DCLK1: variants seen among roughly 807,000 people sequenced by gnomAD.
The protein encoded by DCLK1 is doublecortin like kinase 1.
In DCLK1, 16 loss-of-function variants were observed where a neutral mutation model predicts 86.2. That is an observed-to-expected ratio of 0.19 (90% CI 0.13 to 0.28). The LOEUF (loss-of-function observed/expected upper bound fraction) is 0.28. DCLK1 is among the 10% of genes least tolerant of loss of function. The pLI, the probability that DCLK1 is intolerant of heterozygous loss-of-function variation, is 1.00. For missense variants in DCLK1, 590 were observed against 940.2 expected (o/e 0.63, Z 4.87); for synonymous variants, 369 against 370.5 (o/e 1.00, Z 0.05).
rs1472537569 is a variant in DCLK1 at position 35,961,416 on chromosome 13, T to C, written c.724-13959A>G. Among the ~76,000 whole-genome samples, 3 of 152,222 alleles carry C rather than the reference T, an allele frequency of 2.0e-5. No individual in the cohort carries two copies. The East Asian group carries it at 5.8e-4, about 29-fold the overall frequency. On this transcript the variant is annotated intron_variant, in intron 3 of 16. Transcript: ENST00000360631. ...TCCTTTCCTTGTACTGGTTTTACAT[T>C]GAAAATTATTCTGGTCTAACAGCTG...
chr13:35,808,462 A>G lies in DCLK1; in HGVS notation c.1767-142T>C, dbSNP rs895513123. 16 of 769,524 alleles carry G rather than the reference A, an allele frequency of 2.1e-5. No homozygotes were observed. In the African/African-American group the frequency reaches 2.4e-4, roughly 12 times the overall value. 47.7% of individuals were successfully genotyped at this position (769,524 alleles called of 1,614,324 possible). ...TATTTTTAATCGATTGAAAAATGTC[A>G]ATGTGGATCTGTTTTGGTAAATTAA... On this transcript the variant is annotated intron_variant, in intron 13 of 16. Transcript: ENST00000360631.
At chr13:36,024,371 C>T (rs1048112067) in intron 3 of DCLK1, among the ~76,000 whole-genome samples, 14 of 152,138 alleles carry the variant, frequency 9.2e-5, no homozygotes, top group African/African-American at 3.1e-4. Flanking sequence ...TTAGAATAAA[C>T]GAGTTCCTTT....
At chr13:35,909,057 A>T (rs1054938736) in intron 4 of DCLK1, among the ~76,000 whole-genome samples, 4 of 152,274 alleles carry the variant, frequency 2.6e-5, no homozygotes, top group Admixed American at 2.0e-4. Flanking sequence ...CTCAGGAAGC[A>T]GAGACAGGCT....
intron 3 of DCLK1, among the ~76,000 whole-genome samples, chr13:36,010,361 T>G (rs1161153498): frequency 2.0e-4 from 21 of 106,366 alleles, no homozygotes; most frequent in African/African-American, 6.9e-4. Flanking sequence ...TGGCTGTGGG[T>G]TTGTCATAGA....
intron 5 of DCLK1, among the ~76,000 whole-genome samples, chr13:35,858,213 G>A (rs150858805): frequency 8.1e-4 from 123 of 152,262 alleles, no homozygotes; most frequent in African/African-American, 2.8e-3. Context: ...ATCTAGGGTA[G>A]TGTCATGGGG....
At chr13:35,847,315 T>A (rs1870252837) in intron 6 of DCLK1, 1 of 985,132 alleles carries the variant, frequency 1.0e-6, no homozygotes, top group Non-Finnish European at 1.2e-6. Flanking sequence ...AGTAACACTT[T>A]ATTACATGAA....
intron 4 of DCLK1, among the ~76,000 whole-genome samples, chr13:35,918,784 T>C (rs1875587972): frequency 6.6e-6 from 1 of 151,710 alleles, no homozygotes; most frequent in African/African-American, 2.4e-5. Flanking sequence ...AAGGGATTTA[T>C]GAAAGCATCC....
At chr13:35,824,825 T>C (rs543482769) in intron 10 of DCLK1, among the ~76,000 whole-genome samples, 31 of 152,290 alleles carry the variant, frequency 2.0e-4, no homozygotes, top group Admixed American at 8.5e-4. Flanking sequence ...TTGCCACTAC[T>C]TAACATAGTG....
Position 36,112,083 on chromosome 13 carries a change from T to G in DCLK1, c.509A>C (p.Lys170Thr), listed in dbSNP as rs1490824475. ...CTCTCGCACCTCTGAAGGGCTTCCT[T>G]TGGCAGTGGCCAGTGAAGACACTGC... ...SRAVSSLATA[K>T]GSPSEVRENK... Residue 170 changes from lysine to threonine, a missense_variant, in exon 3 of 17, where the codon AAA (lysine) becomes ACA (threonine). By Grantham distance (78) the Lys-to-Thr change is moderately conservative. This residue lies in a region of DCLK1 where 195 missense variants were observed against 365.1 expected (regional missense o/e 0.53). Coordinates refer to ENST00000360631, the MANE Select transcript of DCLK1 (RefSeq NM_001330071.2). 1.2e-6 allele frequency: 2 copies of G among 1,614,208 alleles called. No homozygotes were observed. Among genetic ancestry groups the G allele is most frequent in the Non-Finnish European group, 1.7e-6 (2 of 1,180,032 alleles).
intron 3 of DCLK1, among the ~76,000 whole-genome samples, chr13:36,079,103 T>C (rs1273846796): frequency 6.6e-6 from 1 of 152,034 alleles, no homozygotes; most frequent in Non-Finnish European, 1.5e-5. Flanking sequence ...TGGCTAGAGA[T>C]GAGACCATGT....
At chr13:36,020,193 A>C (rs1286649199) in intron 3 of DCLK1, among the ~76,000 whole-genome samples, 1 of 152,190 alleles carries the variant, frequency 6.6e-6, no homozygotes, top group African/African-American at 2.4e-5. Flanking sequence ...ACTGTGAACC[A>C]AATAAACTTC....
At chr13:36,114,611 T>C (rs1436817101) in intron 2 of DCLK1, among the ~76,000 whole-genome samples, 2 of 152,274 alleles carry the variant, frequency 1.3e-5, no homozygotes, top group African/African-American at 4.8e-5. Context: ...ATTTCCATTT[T>C]ATCATGAAAA....
rs1031822969 is a variant in DCLK1 at position 35,850,587 on chromosome 13, T to A, written c.1035+3912A>T. ...GAAAACAAAATGCATACATATTTAC[T>A]TTTGGATGATTTGGTCTTTTATCAT... is the stretch of plus-strand genomic sequence containing the variant. On this transcript the variant is annotated intron_variant, in intron 6 of 16. Transcript: ENST00000360631. 11 of 1,279,640 alleles carry A rather than the reference T, an allele frequency of 8.6e-6. No individual in the cohort carries two copies. The Admixed American group carries it at 4.4e-4, about 51-fold the overall frequency. 79.3% of individuals were successfully genotyped at this position (1,279,640 alleles called of 1,614,324 possible).
chr13:35,920,637 G>A (rs186400561), intron 4 of DCLK1, among the ~76,000 whole-genome samples: 42 of 152,260 alleles, frequency 2.8e-4, no homozygotes, highest in Middle Eastern at 6.8e-3. Context: ...CAAGAAGGGT[G>A]TTCTTGGTCC....
Position 35,947,144 on chromosome 13 carries a change from T to C in DCLK1, c.823+214A>G, listed in dbSNP as rs1013381952. Among the ~76,000 whole-genome samples, 5 of 152,334 alleles carry C rather than the reference T, an allele frequency of 3.3e-5. No homozygotes were observed. In the East Asian group the frequency reaches 9.6e-4, roughly 29 times the overall value. Reference sequence around the variant, plus strand: ...TATAAATTAGACATTAGTTACTTATTCTTCTAAATGATTTAACTTTTCCAA... The same window carrying C: ...TATAAATTAGACATTAGTTACTTATCCTTCTAAATGATTTAACTTTTCCAA... On this transcript the variant is annotated intron_variant, in intron 4 of 16. Coordinates refer to ENST00000360631, the MANE Select transcript of DCLK1 (RefSeq NM_001330071.2).
At chr13:36,098,934 T>C (rs7988407) in intron 3 of DCLK1, among the ~76,000 whole-genome samples, 10,029 of 152,098 alleles carry the variant, frequency 0.066, 500 homozygotes, top group African/African-American at 0.14. Flanking sequence ...TTTATTAGCA[T>C]GCTGGTACAC....
At chr13:35,903,140 A>G (rs1422280598) in intron 4 of DCLK1, among the ~76,000 whole-genome samples, 1 of 152,190 alleles carries the variant, frequency 6.6e-6, no homozygotes, top group Non-Finnish European at 1.5e-5. Context: ...GTGCTTAATC[A>G]AAACAAGATG....
chr13:36,037,157 A>G (rs559556095), intron 3 of DCLK1, among the ~76,000 whole-genome samples: 3 of 152,090 alleles, frequency 2.0e-5, no homozygotes, highest in Non-Finnish European at 4.4e-5. Flanking sequence ...GACAAATATC[A>G]CCTGTTCTCT....
chr13:36,110,880 G>A (rs1297825738), intron 3 of DCLK1, among the ~76,000 whole-genome samples: 1 of 147,186 alleles, frequency 6.8e-6, no homozygotes, highest in Non-Finnish European at 1.5e-5. Context: ...ACCCAGGCTG[G>A]AGTGCAGTGG....
Sources: allele counts gnomAD v4.1 joint callset (sites outside exome capture counted in the v4.1 genomes callset), GRCh38; gene constraint gnomAD v4.1.1; regional missense constraint gnomAD v4.1.1; transcripts MANE v1.5; gene names NCBI Gene and HGNC (gene_info 2026-07-23, HGNC 2026-07-21).